The following NPR3 variants were observed in gnomAD, a reference collection of about 807,000 sequenced individuals.
The protein encoded by NPR3 is atrial natriuretic peptide receptor 3.
A neutral mutation model predicts 54.5 loss-of-function variants in NPR3; 34 were observed. That is an observed-to-expected ratio of 0.62 (90% CI 0.47 to 0.83). NPR3 has a LOEUF of 0.83. NPR3 is among the 40% of genes least tolerant of loss of function. The pLI is 0.00. For missense variants in NPR3, 674 were observed against 720.8 expected, an observed-to-expected ratio of 0.94 and a Z score of 0.74; for synonymous variants, 289 against 297.1, an observed-to-expected ratio of 0.97 and a Z score of 0.28.
intron 1 of NPR3, among the ~76,000 whole-genome samples, chr5:32,703,904 A>G (rs770295665): frequency 2.2e-4 from 34 of 152,192 alleles, no homozygotes; most frequent in Admixed American, 7.2e-4. Context: ...CACTGGCTCC[A>G]CGCCTAGCAC....
intron 5 of NPR3, 92 bp downstream of exon 5, chr5:32,780,908 A>G (rs1032305731): frequency 4.6e-6 from 3 of 651,348 alleles, no homozygotes; most frequent in Non-Finnish European, 8.3e-6. Context: ...AGCTGTCTCC[A>G]ATGCAGCTTC....
chr5:32,716,547 A>G lies in NPR3; in HGVS notation c.769+4002A>G, dbSNP rs1738560936. On this transcript the variant is annotated intron_variant, in intron 1 of 7. Coordinates refer to ENST00000265074, the MANE Select transcript of NPR3 (RefSeq NM_001204375.2). ...GAGGCAGGAGGATTGCTTGAGTCCA[A>G]GAGTTTGAGGCTATGGATTGCCCTA... 1.2e-5 allele frequency: 5 copies of G among 415,146 alleles called. No homozygotes were observed. In the Admixed American group the frequency reaches 1.4e-4, roughly 12 times the overall value. The allele number at this position is 415,146 out of a possible 1,614,324, so 25.7% of individuals were successfully genotyped here.
intron 3 of NPR3, among the ~76,000 whole-genome samples, chr5:32,757,147 A>G (rs1740891190): frequency 6.6e-6 from 1 of 152,138 alleles, no homozygotes; most frequent in African/African-American, 2.4e-5. Context: ...GATGAAAGTC[A>G]TTGGTAGCTT....
rs1579609192 is a variant in NPR3 at position 32,724,791 on chromosome 5, A to G, written c.863A>G (p.Asn288Ser). 2 of 1,613,950 alleles carry G rather than the reference A, an allele frequency of 1.2e-6. No individual in the cohort carries two copies. The highest frequency in any genetic ancestry group is 1.1e-5 in the South Asian group (1 of 91,078). ...ACCAGTGGAGACTACGCCTTCTTCA[A>G]CATTGAGCTCTTCAACAGCTCTTCC... Reference protein sequence around the residue: ...GMTSGDYAFFNIELFNSSSYG... With the variant: ...GMTSGDYAFFSIELFNSSSYG... Residue 288 changes from asparagine (N) to serine (S), a missense_variant, in exon 2 of 8, where the codon AAC becomes AGC. Asn to Ser is a conservative substitution (Grantham distance 46, BLOSUM62 1). Transcript: ENST00000265074.
intron 3 of NPR3, among the ~76,000 whole-genome samples, chr5:32,746,280 T>C (rs1317546074): frequency 2.0e-5 from 3 of 152,222 alleles, no homozygotes; most frequent in Non-Finnish European, 4.4e-5. Context: ...TTTATAATTA[T>C]GTACAAAATG....
upstream of NPR3, chr5:32,710,748 G>T (rs189817037): frequency 1.6e-4 from 243 of 1,548,302 alleles, 2 homozygotes; most frequent in East Asian, 5.7e-3. Flanking sequence ...GCCCCGCGTC[G>T]GTGCTTCAGG....
intron 3 of NPR3, among the ~76,000 whole-genome samples, chr5:32,762,927 A>G (rs1741253979): frequency 6.6e-6 from 1 of 152,082 alleles, no homozygotes; most frequent in Non-Finnish European, 1.5e-5. Context: ...CCTGAATGGT[A>G]TTGCCTAGGT....
intron 7 of NPR3, among the ~76,000 whole-genome samples, chr5:32,785,445 C>T (rs2112078777): frequency 6.6e-6 from 1 of 152,286 alleles, no homozygotes; most frequent in South Asian, 2.1e-4. Context: ...GCCACTGTGT[C>T]TAGCCCTTTG....
rs534542292 is a variant in NPR3, at chr5:32,748,908, CTTCTT to C, written c.1059+9881_1059+9885del. On this transcript the variant is annotated intron_variant, in intron 3 of 7. Coordinates refer to ENST00000265074, the MANE Select transcript of NPR3 (RefSeq NM_001204375.2). ...TAATTTTCTCTCCTATTTTCCAACT[CTTCTT>C]TTTTCTTTTACTTTCTGAGAAATTG... Among the ~76,000 whole-genome samples the C allele has an allele frequency of 2.2e-3, 337 of 152,260 alleles. 3 individuals carry two copies. The highest frequency in any genetic ancestry group is 7.9e-3 in the African/African-American group (330 of 41,552).
intron 4 of NPR3, among the ~76,000 whole-genome samples, chr5:32,779,963 G>A (rs1742254019): frequency 6.6e-6 from 1 of 152,150 alleles, no homozygotes; most frequent in Non-Finnish European, 1.5e-5. Flanking sequence ...GGCTTAGAGG[G>A]CTAAGTTCCT....
intron 3 of NPR3, among the ~76,000 whole-genome samples, chr5:32,755,776 C>T (rs1227294011): frequency 3.3e-5 from 5 of 152,204 alleles, no homozygotes; most frequent in Non-Finnish European, 7.3e-5. Flanking sequence ...ACCTACATTG[C>T]CGCATCCTTC....
intron 1 of NPR3, among the ~76,000 whole-genome samples, chr5:32,700,763 A>G (rs1004520940): frequency 3.3e-5 from 5 of 152,162 alleles, no homozygotes; most frequent in African/African-American, 1.2e-4. Flanking sequence ...TCCATGGTGT[A>G]TATGTGCCAC....
chr5:32,782,883 C>T lies in NPR3; in HGVS notation c.1291-10C>T. ...TTTGGTTTGTCTATTTGTTTTTTGC[C>T]TCTATATAGGTTATTGGTGATTATT... On this transcript the variant is annotated splice_polypyrimidine_tract_variant and intron_variant, in intron 5 of 7. Coordinates refer to ENST00000265074, the MANE Select transcript of NPR3 (RefSeq NM_001204375.2). The T allele has an allele frequency of 2.5e-6, 4 of 1,589,158 alleles. No homozygotes were observed. Among genetic ancestry groups the T allele is most frequent in the East Asian group, 2.3e-5 (1 of 44,360 alleles).
Position 32,738,898 on chromosome 5 carries a change from C to G in NPR3, c.927C>G (p.Asp309Glu). ...CATGGAAGAGAGGAGACAAACACGA[C>G]TTTGAAGCTAAGCAAGCATACTCGT... ...DGSWKRGDKH[D>E]FEAKQAYSSL... The change falls in exon 3 of 8, where the codon GAC (aspartate) becomes GAG (glutamate). Residue 309 changes from aspartate to glutamate, a missense_variant. Coordinates refer to ENST00000265074, the MANE Select transcript of NPR3 (RefSeq NM_001204375.2). The G allele has an allele frequency of 6.2e-7, 1 of 1,613,862 alleles. No homozygotes were observed. The highest frequency in any genetic ancestry group is 8.5e-7 in the Non-Finnish European group (1 of 1,179,788).
chr5:32,750,273 C>T (rs749060352), intron 3 of NPR3, among the ~76,000 whole-genome samples: 10 of 152,132 alleles, frequency 6.6e-5, no homozygotes, highest in Middle Eastern at 3.2e-3. Flanking sequence ...GGACTACACG[C>T]GCCGGCTACC....
rs551603228 is a variant in NPR3, at chr5:32,754,789, A to G, written c.1059+15759A>G. Among the ~76,000 whole-genome samples, 12 of 152,290 alleles carry G rather than the reference A, an allele frequency of 7.9e-5. No homozygotes were observed. In the East Asian group the frequency reaches 1.5e-3, roughly 20 times the overall value. ...TATTAATTATTTCTTCTACCCAGAT[A>G]TCTCTATGTGGAATAATTACTAAAT... On this transcript the variant is annotated intron_variant, in intron 3 of 7. Coordinates refer to ENST00000265074, the MANE Select transcript of NPR3 (RefSeq NM_001204375.2).
chr5:32,752,747 A>G (rs1241246870), intron 3 of NPR3, among the ~76,000 whole-genome samples: 1 of 152,252 alleles, frequency 6.6e-6, no homozygotes, highest in Non-Finnish European at 1.5e-5. Flanking sequence ...GGAAAATGTA[A>G]TCAAGTGGAC....
At chr5:32,766,193 C>T (rs1191545779) in intron 3 of NPR3, among the ~76,000 whole-genome samples, 1 of 152,200 alleles carries the variant, frequency 6.6e-6, no homozygotes, top group Admixed American at 6.5e-5. Flanking sequence ...TGAGAATATC[C>T]AGCAAAGTTG....
chr5:32,710,858 G>GTTTTTTTTTTTTTTTTTTTTTTTTT (rs1561072778), upstream of NPR3: 1 of 1,046,870 alleles, frequency 9.6e-7, no homozygotes, highest in African/African-American at 2.9e-5. Context: ...CCCCAGTCCT[G>GTTTTTTTTTTTTTTTTTTTTTTTTT]GTTTTTTTTT....
Sources: allele counts gnomAD v4.1 joint callset (sites outside exome capture counted in the v4.1 genomes callset), GRCh38; gene constraint gnomAD v4.1.1; transcripts MANE v1.5; gene names NCBI Gene and HGNC (gene_info 2026-07-23, HGNC 2026-07-21).